PLPP7: variants seen among roughly 807,000 people sequenced by gnomAD.
The protein encoded by PLPP7 is phospholipid phosphatase 7 (inactive).
Under a neutral mutation model 16.9 loss-of-function variants are expected in PLPP7, and 11 were observed. The observed-to-expected ratio is 0.65, with a 90% CI of 0.41 to 1.08. PLPP7 has a LOEUF of 1.08. Ranked by LOEUF, PLPP7 falls within the 50% of genes least tolerant of loss-of-function variation. PLPP7 has a pLI of 0.00. For missense variants in PLPP7, 358 were observed against 397.1 expected, an observed-to-expected ratio of 0.90 and a Z score of 0.84; for synonymous variants, 174 against 175.1, an observed-to-expected ratio of 0.99 and a Z score of 0.05.
At position 131,297,734 on chromosome 9, in the gene PLPP7, C is replaced by T. The variant is rs558501022; in HGVS notation, c.451+7286C>T. Among the ~76,000 whole-genome samples, 13 of 152,252 alleles carry T rather than the reference C, an allele frequency of 8.5e-5. No individual in the cohort carries two copies. In the East Asian group the frequency reaches 2.5e-3, roughly 29 times the overall value. Reference sequence around the variant, plus strand: ...GTGCACAAATAATGCGTGCTTGTGGCAAGAAAGATTTTAAAGTGCAGAATT... The same window carrying T: ...GTGCACAAATAATGCGTGCTTGTGGTAAGAAAGATTTTAAAGTGCAGAATT... On this transcript the variant is annotated intron_variant, in intron 1 of 1. Coordinates refer to ENST00000372264, the MANE Select transcript of PLPP7 (RefSeq NM_032728.4).
rs916068881 is a variant in PLPP7 at position 131,295,126 on chromosome 9, T to C, written c.451+4678T>C. 6.6e-6 allele frequency among the ~76,000 whole-genome samples: 1 copy of C among 151,296 alleles called. No homozygotes were observed. Among genetic ancestry groups the C allele is most frequent in the South Asian group, 2.1e-4 (1 of 4,796 alleles). On this transcript the variant is annotated intron_variant, in intron 1 of 1. Coordinates refer to ENST00000372264, the MANE Select transcript of PLPP7 (RefSeq NM_032728.4). This position sits in a 1 kb window ranked among gnomAD's most constrained non-coding sequence, Gnocchi z 4.0. The stretch of plus-strand genomic sequence containing the variant: ...TGAGACTCTGTCTAAAAAAAAAGTA[T>C]CTTTATTGAGATTTTCCTGAATATG...
chr9:131,294,526 C>G (rs946045965), intron 1 of PLPP7, among the ~76,000 whole-genome samples: 5 of 152,272 alleles, frequency 3.3e-5, no homozygotes, highest in East Asian at 1.9e-4. Context: ...AGCCAGGTGA[C>G]AGGTGACAGG....
At chr9:131,305,276 A>C (rs1332936078) in intron 1 of PLPP7, among the ~76,000 whole-genome samples, 1 of 152,192 alleles carries the variant, frequency 6.6e-6, no homozygotes, top group East Asian at 1.9e-4. Context: ...GTGGCCGGGC[A>C]CAGTGGCTCA....
chr9:131,308,241 T>C lies in PLPP7; in HGVS notation c.770T>C (p.Val257Ala), dbSNP rs1197890090. The part of the protein sequence containing the change: ...GYLQFRLVEL[V>A]WMPSSTCQML... ...CTCCAGTTCCGTCTGGTGGAGCTGG[T>C]CTGGATGCCCTCCAGCACCTGCCAG... The change falls in exon 2 of 2, where the codon GTC becomes GCC. Residue 257 changes from valine (V) to alanine (A), a missense_variant. Physicochemically the swap from Val to Ala is moderately conservative, Grantham distance 64. Coordinates refer to ENST00000372264, the MANE Select transcript of PLPP7 (RefSeq NM_032728.4). 2 of 1,598,960 alleles carry C rather than the reference T, an allele frequency of 1.3e-6. No individual in the cohort carries two copies. The highest frequency in any genetic ancestry group is 4.5e-5 in the East Asian group (2 of 44,858).
Position 131,308,378 on chromosome 9 carries a change from G to C in PLPP7, c.*91G>C. On this transcript the variant is annotated 3_prime_UTR_variant, in exon 2 of 2. Coordinates refer to ENST00000372264, the MANE Select transcript of PLPP7 (RefSeq NM_032728.4). ...CGAGGTGGCGGGCGTGGGTGGAACA[G>C]AGCGGCCAGGAGTCAGAGCGGCCAC... 1 of 1,446,606 alleles carries C rather than the reference G, an allele frequency of 6.9e-7. No individual in the cohort carries two copies. The highest frequency in any genetic ancestry group is 9.1e-7 in the Non-Finnish European group (1 of 1,102,074). 89.6% of individuals were successfully genotyped at this position (1,446,606 alleles called of 1,614,324 possible).
intron 1 of PLPP7, among the ~76,000 whole-genome samples, chr9:131,294,826 CCT>C (rs1422144057): frequency 6.6e-6 from 1 of 151,948 alleles, no homozygotes; most frequent in Non-Finnish European, 1.5e-5. Flanking sequence ...GAACTCCTGA[CCT>C]CAGGTAATCC....
chr9:131,302,402 G>A (rs1306246181), intron 1 of PLPP7, among the ~76,000 whole-genome samples: 2 of 152,192 alleles, frequency 1.3e-5, no homozygotes, highest in Non-Finnish European at 2.9e-5. Context: ...GCGAAGGGAT[G>A]CCAAGGTCAG....
chr9:131,292,750 A>G (rs957055973), intron 1 of PLPP7: 1 of 980,122 alleles, frequency 1.0e-6, no homozygotes, highest in Non-Finnish European at 1.2e-6. Flanking sequence ...GCCTCACATC[A>G]CCAAGTAAAA....
intron 1 of PLPP7, among the ~76,000 whole-genome samples, chr9:131,300,109 G>A (rs1323248230): frequency 6.6e-6 from 1 of 152,182 alleles, no homozygotes; most frequent in Non-Finnish European, 1.5e-5. Context: ...TCTGGAGGCT[G>A]GGAAGTCCAA....
chr9:131,306,241 A>G (rs1290167524), intron 1 of PLPP7, among the ~76,000 whole-genome samples: 1 of 149,718 alleles, frequency 6.7e-6, no homozygotes, highest in African/African-American at 2.5e-5. Context: ...TGTCTCAAAA[A>G]AATCAAATAA....
At chr9:131,304,043 A>C (rs1835827244) in intron 1 of PLPP7, among the ~76,000 whole-genome samples, 1 of 152,078 alleles carries the variant, frequency 6.6e-6, no homozygotes, top group South Asian at 2.1e-4. Context: ...GGGCAGGGGC[A>C]CGGGCTCCCT....
intron 1 of PLPP7, among the ~76,000 whole-genome samples, chr9:131,300,528 T>C (rs779236167): frequency 1.3e-5 from 2 of 151,136 alleles, no homozygotes; most frequent in African/African-American, 4.9e-5. Flanking sequence ...CTACAAAAAA[T>C]CAAAAAATTA....
intron 1 of PLPP7, among the ~76,000 whole-genome samples, chr9:131,302,746 C>T (rs1835812044): frequency 6.6e-6 from 1 of 152,166 alleles, no homozygotes; most frequent in Admixed American, 6.5e-5. Flanking sequence ...CTCAGCCAGC[C>T]CTGTGGCTAA....
chr9:131,302,965 T>C (rs1324552988), intron 1 of PLPP7, among the ~76,000 whole-genome samples: 1 of 152,160 alleles, frequency 6.6e-6, no homozygotes, highest in African/African-American at 2.4e-5. Flanking sequence ...ATCGGGGGTA[T>C]GTGATGGTGC....
chr9:131,290,125 C>G lies in PLPP7; in HGVS notation c.128C>G (p.Ser43Trp), dbSNP rs142547455. 33 of 1,555,164 alleles carry G rather than the reference C, an allele frequency of 2.1e-5. No homozygotes were observed. Among genetic ancestry groups the G allele is most frequent in the Non-Finnish European group, 2.8e-5 (32 of 1,149,006 alleles). The change falls in exon 1 of 2, where the codon TCG (serine) becomes TGG (tryptophan). Residue 43 changes from serine (S) to tryptophan (W), a missense_variant. Coordinates refer to ENST00000372264, the MANE Select transcript of PLPP7 (RefSeq NM_032728.4). The surrounding 1 kb of genome is among the most constrained non-coding windows in gnomAD (Gnocchi z 4.2). ...PEPRSSGRKA[S>W]GPSAQPPPAG... ...CCCCGCAGCTCGGGCAGAAAGGCCT[C>G]GGGCCCATCAGCACAGCCCCCACCT...
rs753416420 is a variant in PLPP7, at chr9:131,290,882, C to T, written c.451+434C>T. On this transcript the variant is annotated intron_variant, in intron 1 of 1. Coordinates refer to ENST00000372264, the MANE Select transcript of PLPP7 (RefSeq NM_032728.4). This position sits in a 1 kb window ranked among gnomAD's most constrained non-coding sequence, Gnocchi z 4.2. ...TGACAGCTCCCAGCCAGGCTGTTCCCGTGAGCTGCCCCATGAGCACCTCCC... is the reference window on the plus strand; with the variant it reads ...TGACAGCTCCCAGCCAGGCTGTTCCTGTGAGCTGCCCCATGAGCACCTCCC... Among the ~76,000 whole-genome samples the T allele has an allele frequency of 2.6e-5, 4 of 152,080 alleles. No homozygotes were observed. The highest frequency in any genetic ancestry group is 1.3e-4 in the Admixed American group (2 of 15,286).
intron 1 of PLPP7, among the ~76,000 whole-genome samples, chr9:131,306,274 G>C (rs1835851458): frequency 1.3e-5 from 2 of 151,926 alleles, no homozygotes; most frequent in East Asian, 1.9e-4. Context: ...GGGCGCGGTG[G>C]CTCATGTCTG....
rs143909650 is a variant in PLPP7, at chr9:131,293,709, T to G, written c.451+3261T>G. 3.0e-3 allele frequency among the ~76,000 whole-genome samples: 456 copies of G among 152,346 alleles called. 2 individuals carry two copies. The highest frequency in any genetic ancestry group is 0.01 in the African/African-American group (428 of 41,580). On this transcript the variant is annotated intron_variant, in intron 1 of 1. Coordinates refer to ENST00000372264, the MANE Select transcript of PLPP7 (RefSeq NM_032728.4). ...CTGACCCTTACTTGCTGTACGCACATGCTCAAGTCAGTTCCTGTCTCTGAG... is the reference window on the plus strand; with the variant it reads ...CTGACCCTTACTTGCTGTACGCACAGGCTCAAGTCAGTTCCTGTCTCTGAG...
At chr9:131,306,554 G>A (rs1478732142) in intron 1 of PLPP7, among the ~76,000 whole-genome samples, 1 of 151,982 alleles carries the variant, frequency 6.6e-6, no homozygotes, top group Non-Finnish European at 1.5e-5. Context: ...AAAAGAAAGA[G>A]AAGATGAACA....
Sources: allele counts gnomAD v4.1 joint callset (sites outside exome capture counted in the v4.1 genomes callset), GRCh38; gene constraint gnomAD v4.1.1; non-coding constraint Gnocchi (gnomAD v3.1); transcripts MANE v1.5; gene names NCBI Gene and HGNC (gene_info 2026-07-23, HGNC 2026-07-21).